CPPED1: variants seen among roughly 807,000 people sequenced by gnomAD.
CPPED1 encodes serine/threonine-protein phosphatase CPPED1.
A neutral mutation model predicts 28.0 loss-of-function variants in CPPED1; 28 were observed. That is an observed-to-expected ratio of 1.00 (90% confidence interval 0.74 to 1.37). CPPED1 has a LOEUF of 1.37. Ranked by LOEUF, CPPED1 falls within the 40% of genes most tolerant of loss-of-function variation. The pLI is 0.00. For missense variants in CPPED1, 504 were observed against 416.5 expected (o/e 1.21, Z -1.83); for synonymous variants, 198 against 180.2 (o/e 1.10, Z -0.79).
intron 2 of CPPED1, among the ~76,000 whole-genome samples, chr16:12,759,878 A>T (rs1393421204): frequency 6.6e-6 from 1 of 152,212 alleles, no homozygotes; most frequent in Non-Finnish European, 1.5e-5. Context: ...TGGTATCCTT[A>T]TATCAGTGTG....
chr16:12,664,276 C>G lies in CPPED1; in HGVS notation c.*610G>C, dbSNP rs141322829. Reference sequence around the variant, plus strand: ...CACCCAGGAAGGCAAATTTAAGCTCCGAGCTGTATCAACTGCATTCTGTTC... The same window carrying G: ...CACCCAGGAAGGCAAATTTAAGCTCGGAGCTGTATCAACTGCATTCTGTTC... On this transcript the variant is annotated 3_prime_UTR_variant, in exon 4 of 4. Coordinates refer to ENST00000381774, the MANE Select transcript of CPPED1 (RefSeq NM_018340.3). The surrounding 1 kb of genome is among the most constrained non-coding windows in gnomAD (Gnocchi z 4.2). The G allele has an allele frequency of 8.5e-6, 7 of 821,834 alleles. No individual in the cohort carries two copies. Among genetic ancestry groups the G allele is most frequent in the Non-Finnish European group, 1.0e-5 (7 of 680,448 alleles). The allele number at this position is 821,834 out of a possible 1,614,324, so 50.9% of individuals were successfully genotyped here.
intron 2 of CPPED1, among the ~76,000 whole-genome samples, chr16:12,766,256 T>TATATATATATATATATATATAGAGAGAG: frequency 1.5e-5 from 2 of 134,290 alleles, no homozygotes; most frequent in African/African-American, 7.0e-5. Context: ...TATATATATA[T>TATATATATATATATATATATAGAGAGAG]AGAGAGAGAG....
At chr16:12,678,046 T>C (rs1049120271) in intron 3 of CPPED1, among the ~76,000 whole-genome samples, 8 of 152,182 alleles carry the variant, frequency 5.3e-5, no homozygotes, top group Non-Finnish European at 1.2e-4. Flanking sequence ...TAATAAAGCA[T>C]ACCATTAAAA....
At chr16:12,724,767 C>A (rs764152769) in intron 2 of CPPED1, among the ~76,000 whole-genome samples, 3 of 152,172 alleles carry the variant, frequency 2.0e-5, no homozygotes, top group African/African-American at 4.8e-5. Flanking sequence ...CTACTCATTA[C>A]CAGCTCTGAA....
chr16:12,703,681 CAAAA>C (rs11334902), intron 3 of CPPED1, among the ~76,000 whole-genome samples: 2 of 97,276 alleles, frequency 2.1e-5, no homozygotes, highest in Admixed American at 1.1e-4. Context: ...GACTTTGTCT[CAAAA>C]AAAAAAAAAA....
intron 3 of CPPED1, among the ~76,000 whole-genome samples, chr16:12,672,491 A>T (rs1053321711): frequency 6.6e-6 from 1 of 152,256 alleles, no homozygotes; most frequent in African/African-American, 2.4e-5. Flanking sequence ...TACCATTAAT[A>T]TGTATAGCAC....
At chr16:12,735,687 T>C (rs866236043) in intron 2 of CPPED1, among the ~76,000 whole-genome samples, 1 of 152,228 alleles carries the variant, frequency 6.6e-6, no homozygotes, top group African/African-American at 2.4e-5. Context: ...ATTCAGTAAG[T>C]TCGTCTCTGC....
At chr16:12,749,454 C>T (rs748859530) in intron 2 of CPPED1, among the ~76,000 whole-genome samples, 1 of 152,172 alleles carries the variant, frequency 6.6e-6, no homozygotes, top group African/African-American at 2.4e-5. Flanking sequence ...AGCTGTCTTG[C>T]TATCTCTACC....
intron 2 of CPPED1, among the ~76,000 whole-genome samples, chr16:12,777,068 C>T (rs1361655487): frequency 1.3e-5 from 2 of 152,206 alleles, no homozygotes; most frequent in Non-Finnish European, 2.9e-5. Context: ...AATACAAATA[C>T]TAAAGCAGGC....
chr16:12,682,119 C>T lies in CPPED1; in HGVS notation c.716-17004G>A, dbSNP rs964053202. Among the ~76,000 whole-genome samples, 5 of 152,180 alleles carry T rather than the reference C, an allele frequency of 3.3e-5. No homozygotes were observed. The highest frequency in any genetic ancestry group is 6.5e-5 in the Admixed American group (1 of 15,294). On this transcript the variant is annotated intron_variant, in intron 3 of 3. Transcript: ENST00000381774. The surrounding 1 kb of genome is among the most constrained non-coding windows in gnomAD (Gnocchi z 6.1). ...CGCGATCTTGGCTCACTGCAACTTG[C>T]GTATCCTGGGTTCAAGCAGTTCTCC...
At chr16:12,781,128 A>C (rs2080527876) in intron 2 of CPPED1, 57 bp downstream of exon 2, 2 of 1,501,014 alleles carry the variant, frequency 1.3e-6, no homozygotes, top group Admixed American at 3.8e-5. Context: ...CTCCTGCCCA[A>C]ATGCAGTCAT....
chr16:12,738,913 C>G (rs559080011), intron 2 of CPPED1, among the ~76,000 whole-genome samples: 3 of 152,244 alleles, frequency 2.0e-5, no homozygotes, highest in African/African-American at 7.2e-5. Context: ...TGATCATTAC[C>G]TCCTGGTAGA....
rs1164359259 is a variant in CPPED1 at position 12,787,372 on chromosome 16, A to G, written c.71-5969T>C. Among the ~76,000 whole-genome samples, 5 of 151,356 alleles carry G rather than the reference A, an allele frequency of 3.3e-5. No homozygotes were observed. The East Asian group carries it at 5.8e-4, about 18-fold the overall frequency. ...TTTAATTAAAACACCTATATCTGTTATGAATAAGAATATCCAGAATGAATT... is the reference window on the plus strand; with the variant it reads ...TTTAATTAAAACACCTATATCTGTTGTGAATAAGAATATCCAGAATGAATT... On this transcript the variant is annotated intron_variant, in intron 1 of 3. Coordinates refer to ENST00000381774, the MANE Select transcript of CPPED1 (RefSeq NM_018340.3).
At chr16:12,732,548 G>A (rs969067834) in intron 2 of CPPED1, among the ~76,000 whole-genome samples, 4 of 150,906 alleles carry the variant, frequency 2.7e-5, no homozygotes, top group African/African-American at 9.8e-5. Flanking sequence ...AATTCAAAAG[G>A]ACTTCCGAGA....
chr16:12,742,279 G>C (rs1292026778), intron 2 of CPPED1, among the ~76,000 whole-genome samples: 2 of 152,134 alleles, frequency 1.3e-5, no homozygotes, highest in African/African-American at 4.8e-5. Flanking sequence ...GCAACTGGTT[G>C]CATAGCGTGA....
At chr16:12,722,240 G>A (rs912227225) in intron 2 of CPPED1, among the ~76,000 whole-genome samples, 1 of 152,190 alleles carries the variant, frequency 6.6e-6, no homozygotes, top group Admixed American at 6.5e-5. Context: ...ATTCGGGGTG[G>A]CAGCGAGTGG....
rs575542506 is a variant in CPPED1 at position 12,660,253 on chromosome 16, T to C, written c.*4633A>G. The C allele has an allele frequency of 2.0e-4, 30 of 152,178 alleles. No individual in the cohort carries two copies. Among genetic ancestry groups the C allele is most frequent in the Middle Eastern group, 3.2e-3 (1 of 316 alleles). 9.4% of individuals were successfully genotyped at this position (152,178 alleles called of 1,614,324 possible). ...CATTCTAAGTGTGCTGCAAAGCCCC[T>C]TTAGTGAAGAAATCTACTTCTCAAA... On this transcript the variant is annotated 3_prime_UTR_variant, in exon 4 of 4. Coordinates refer to ENST00000381774, the MANE Select transcript of CPPED1 (RefSeq NM_018340.3).
rs537575126 is a variant in CPPED1 at position 12,670,461 on chromosome 16, G to T, written c.716-5346C>A. ...CATCTTTCTTCATCCCTTAGGTGTGGGCTGTGCATCCTGACTTCTGTTCAA... is the reference window on the plus strand; with the variant it reads ...CATCTTTCTTCATCCCTTAGGTGTGTGCTGTGCATCCTGACTTCTGTTCAA... On this transcript the variant is annotated intron_variant, in intron 3 of 3. Transcript: ENST00000381774. This position sits in a 1 kb window ranked among gnomAD's most constrained non-coding sequence, Gnocchi z 4.2. 6.6e-6 allele frequency among the ~76,000 whole-genome samples: 1 copy of T among 152,016 alleles called. No individual in the cohort carries two copies. Among genetic ancestry groups the T allele is most frequent in the Non-Finnish European group, 1.5e-5 (1 of 68,008 alleles).
At chr16:12,720,407 C>G (rs535205704) in intron 2 of CPPED1, 1 of 154,460 alleles carries the variant, frequency 6.5e-6, no homozygotes, top group South Asian at 2.0e-4. Context: ...ATCCCGCACA[C>G]CAAAGGATTT....
Sources: gnomAD v4.1 joint callset for allele counts (sites outside exome capture counted in the v4.1 genomes callset) on GRCh38, gnomAD v4.1.1 for gene constraint, Gnocchi (gnomAD v3.1) non-coding constraint, MANE v1.5 for transcripts, NCBI Gene and HGNC (gene_info 2026-07-23, HGNC 2026-07-21) for gene names.